IFIH1: variants seen among roughly 807,000 people sequenced by gnomAD.
IFIH1 encodes interferon-induced helicase C domain-containing protein 1.
In IFIH1, 125 loss-of-function variants were observed where a neutral mutation model predicts 107.4. The observed-to-expected ratio is 1.16, with a 90% CI of 1.01 to 1.35. The LOEUF is 1.35. Among genes scored for constraint, IFIH1 ranks in the 40% most tolerant of loss-of-function variants. IFIH1 has a pLI of 0.00. For missense variants in IFIH1, 1,333 were observed against 1,213.7 expected (o/e 1.10, Z -1.46); for synonymous variants, 458 against 413.2 (o/e 1.11, Z -1.31).
Position 162,314,406 on chromosome 2 carries a change from T to C in IFIH1, c.453+3449A>G, listed in dbSNP as rs1307553915. ...TCCCTCCCTCCCTCCCTCCTTTCTT[T>C]CTTTCTTTCTTTTCTTTCTTTCTTT... On this transcript the variant is annotated intron_variant, in intron 1 of 15. Coordinates refer to ENST00000649979, the MANE Select transcript of IFIH1 (RefSeq NM_022168.4). Among the ~76,000 whole-genome samples the C allele has an allele frequency of 2.4e-3, 183 of 76,406 alleles. 12 individuals are homozygous for C. Among genetic ancestry groups the C allele is most frequent in the African/African-American group, 0.016 (168 of 10,434 alleles). The allele number at this position is 76,406 out of a possible 152,430, so 50.1% of individuals were successfully genotyped here.
At chr2:162,284,626 T>C (rs1235024125) in intron 5 of IFIH1, among the ~76,000 whole-genome samples, 2 of 151,948 alleles carry the variant, frequency 1.3e-5, no homozygotes, top group Non-Finnish European at 2.9e-5. Flanking sequence ...CCAATTAAAG[T>C]CTTGAAACTT....
At chr2:162,299,724 T>C (rs1345821021) in intron 3 of IFIH1, among the ~76,000 whole-genome samples, 2 of 152,198 alleles carry the variant, frequency 1.3e-5, no homozygotes, top group Non-Finnish European at 2.9e-5. Context: ...ATAAATGGTG[T>C]ACTTTTAAAA....
intron 8 of IFIH1, among the ~76,000 whole-genome samples, chr2:162,279,186 T>G (rs1340073299): frequency 6.6e-6 from 1 of 152,096 alleles, no homozygotes; most frequent in African/African-American, 2.4e-5. Flanking sequence ...ATAAAATATA[T>G]TCAACTGTGC....
chr2:162,280,141 T>C (rs761935121), intron 7 of IFIH1, 29 bp from the exon 8 acceptor site: 2 of 1,172,934 alleles, frequency 1.7e-6, no homozygotes, highest in Non-Finnish European at 2.5e-6. Flanking sequence ...TCAATATTTA[T>C]GCAATTATTT....
rs139219083 is a variant in IFIH1 at position 162,317,935 on chromosome 2, G to T, written c.373C>A (p.Leu125Met). 1.7e-5 allele frequency: 27 copies of T among 1,614,028 alleles called. No individual in the cohort carries two copies. Among genetic ancestry groups the T allele is most frequent in the Admixed American group, 5.0e-5 (3 of 60,008 alleles). Residue 125 changes from leucine (L) to methionine (M), a missense_variant, in exon 1 of 16, where the codon CTG becomes ATG. By Grantham distance (15) the Leu-to-Met change is conservative. Coordinates refer to ENST00000649979, the MANE Select transcript of IFIH1 (RefSeq NM_022168.4). ...TCTCTAACTAGAAGCTTGTCCACCA[G>T]AGTGGGCTGAAGGAGGTTCAGCAGT... Reference protein sequence around the residue: ...LQLLNLLQPTLVDKLLVRDVL... With the variant: ...LQLLNLLQPTMVDKLLVRDVL...
rs1683563988 is a variant in IFIH1 at position 162,318,608 on chromosome 2, G to A, written c.-301C>T. The A allele has an allele frequency of 5.1e-6, 1 of 197,328 alleles. No homozygotes were observed. The highest frequency in any genetic ancestry group is 1.7e-4 in the South Asian group (1 of 5,842). 12.2% of individuals were successfully genotyped at this position (197,328 alleles called of 1,614,324 possible). A position where few individuals can be genotyped will look rare whatever the true frequency, so the allele number is the denominator to read the frequency against. On this transcript the variant is annotated 5_prime_UTR_variant, in exon 1 of 16. Transcript: ENST00000649979. Reference sequence around the variant, plus strand: ...TCTGCGGTGTGCGCCTGGGGTCCCGGACCGGGGCGATCCTGCTGCACACTC... The same window carrying A: ...TCTGCGGTGTGCGCCTGGGGTCCCGAACCGGGGCGATCCTGCTGCACACTC...
At chr2:162,286,628 C>T (rs1682898418) in intron 5 of IFIH1, among the ~76,000 whole-genome samples, 1 of 149,174 alleles carries the variant, frequency 6.7e-6, no homozygotes, top group South Asian at 2.1e-4. Flanking sequence ...GAAGAGGAGC[C>T]TTTGGGAGGG....
At chr2:162,268,449 T>C (rs1395296030) in intron 13 of IFIH1, among the ~76,000 whole-genome samples, 172 bp from the exon 14 acceptor site, 1 of 152,162 alleles carries the variant, frequency 6.6e-6, no homozygotes, top group Non-Finnish European at 1.5e-5. Flanking sequence ...TGGTATATAA[T>C]CATCTCCTGT....
Position 162,317,968 on chromosome 2 carries a change from A to T in IFIH1, c.340T>A (p.Tyr114Asn), listed in dbSNP as rs375948298. 8 of 1,614,076 alleles carry T rather than the reference A, an allele frequency of 5.0e-6. No homozygotes were observed. Reference sequence around the variant, plus strand: ...TGAAGGAGGTTCAGCAGTTGGAGATATTCATCATGAGCGTTCTCAAACGAT... The same window carrying T: ...TGAAGGAGGTTCAGCAGTTGGAGATTTTCATCATGAGCGTTCTCAAACGAT... ...SPSFENAHDE[Y>N]LQLLNLLQPT... Residue 114 changes from tyrosine to asparagine, a missense_variant, in exon 1 of 16, where the codon TAT (tyrosine) becomes AAT (asparagine). Physicochemically the swap from Tyr to Asn is moderately radical, Grantham distance 143 (BLOSUM62 -2). Transcript: ENST00000649979.
At chr2:162,308,240 T>C (rs544850206) in intron 2 of IFIH1, among the ~76,000 whole-genome samples, 27 of 152,300 alleles carry the variant, frequency 1.8e-4, no homozygotes, top group African/African-American at 6.3e-4. Flanking sequence ...CTCCTTGATT[T>C]GCAGATGGCC....
chr2:162,271,070 G>A (rs1691026585), intron 13 of IFIH1, among the ~76,000 whole-genome samples: 1 of 152,080 alleles, frequency 6.6e-6, no homozygotes, highest in African/African-American at 2.4e-5. Flanking sequence ...CAGTGGTATG[G>A]GGGATTTCCT....
chr2:162,307,859 CT>C (rs1442874519), intron 2 of IFIH1, among the ~76,000 whole-genome samples: 1 of 152,144 alleles, frequency 6.6e-6, no homozygotes, highest in Non-Finnish European at 1.5e-5. Context: ...AATATAAATA[CT>C]TTACATACAT....
Position 162,287,996 on chromosome 2 carries a change from GATAAA to G in IFIH1, c.1095+134_1095+138del. On this transcript the variant is annotated intron_variant, in intron 5 of 15. Transcript: ENST00000649979. ...TTACATATACCTAAAAAAGATTAAA[GATAAA>G]ATAAAGAGCTTATTTTGACATTACT... 4.9e-6 allele frequency: 3 copies of G among 608,280 alleles called. No homozygotes were observed. In the East Asian group the frequency reaches 8.5e-5, roughly 17 times the overall value. 37.7% of individuals were successfully genotyped at this position (608,280 alleles called of 1,614,324 possible).
chr2:162,306,903 T>C (rs777711653), intron 2 of IFIH1, 48 bp from the exon 3 acceptor site: 10 of 1,529,356 alleles, frequency 6.5e-6, no homozygotes, highest in East Asian at 4.5e-5. Context: ...ATACAAGTTT[T>C]TGTAGAGCAT....
chr2:162,299,322 T>C (rs1683151255), intron 3 of IFIH1, among the ~76,000 whole-genome samples: 1 of 152,146 alleles, frequency 6.6e-6, no homozygotes, highest in African/African-American at 2.4e-5. Context: ...GAATGTGAAT[T>C]AGAAACCTCT....
chr2:162,314,392 C>T lies in IFIH1; in HGVS notation c.454-3459G>A, dbSNP rs1005884520. On this transcript the variant is annotated intron_variant, in intron 1 of 15. Coordinates refer to ENST00000649979, the MANE Select transcript of IFIH1 (RefSeq NM_022168.4). ...CTTCCCTCCCTCCCTCCCTCCCTCC[C>T]TCCCTCCTTTCTTTCTTTCTTTCTT... is the stretch of plus-strand genomic sequence containing the variant. 4.2e-3 allele frequency among the ~76,000 whole-genome samples: 226 copies of T among 53,738 alleles called. 7 individuals carry two copies. The highest frequency in any genetic ancestry group is 8.3e-3 in the Admixed American group (60 of 7,214). 35.3% of individuals were successfully genotyped at this position (53,738 alleles called of 152,430 possible). A position where few individuals can be genotyped will look rare whatever the true frequency, so the allele number is the denominator to read the frequency against.
intron 3 of IFIH1, among the ~76,000 whole-genome samples, chr2:162,299,240 TA>T (rs1406125241): frequency 6.6e-6 from 1 of 152,046 alleles, no homozygotes; most frequent in Non-Finnish European, 1.5e-5. Context: ...TAGAGTCAGT[TA>T]ATAGTGAGAA....
rs77578333 is a variant in IFIH1 at position 162,315,943 on chromosome 2, C to T, written c.453+1912G>A. ...TTTATAGCTGCTCAGTCTTTTGGGG[C>T]CTCCTTTGAAATGTGAATCAGAGGG... On this transcript the variant is annotated intron_variant, in intron 1 of 15. Coordinates refer to ENST00000649979, the MANE Select transcript of IFIH1 (RefSeq NM_022168.4). Among the ~76,000 whole-genome samples the T allele has an allele frequency of 5.2e-3, 799 of 152,282 alleles. 3 individuals carry two copies. The highest frequency in any genetic ancestry group is 7.5e-3 in the Non-Finnish European group (510 of 68,020).
At chr2:162,297,705 G>C (rs1000455633) in intron 3 of IFIH1, among the ~76,000 whole-genome samples, 2 of 152,084 alleles carry the variant, frequency 1.3e-5, no homozygotes, top group Non-Finnish European at 2.9e-5. Flanking sequence ...TTAGAAGATG[G>C]TAGTAATTGA....
Sources: allele counts gnomAD v4.1 joint callset (sites outside exome capture counted in the v4.1 genomes callset), GRCh38; gene constraint gnomAD v4.1.1; transcripts MANE v1.5; gene names NCBI Gene and HGNC (gene_info 2026-07-23, HGNC 2026-07-21).